SLC5A2: variants seen among roughly 807,000 people sequenced by gnomAD.
SLC5A2 encodes the protein solute carrier family 5 member 2.
In SLC5A2, 67 loss-of-function variants were observed where a neutral mutation model predicts 69.0. The observed-to-expected ratio is 0.97, with a 90% confidence interval of 0.80 to 1.19. The LOEUF is 1.19. SLC5A2 is among the 50% of genes most tolerant of loss of function. SLC5A2 has a pLI of 0.00. For synonymous variants in SLC5A2, 455 were observed against 395.8 expected (o/e 1.15, Z -1.78); for missense variants, 1,001 against 921.5 (o/e 1.09, Z -1.12).
In SLC5A2 at chr16:31,488,598, C is replaced by T. The variant is rs779612971; in HGVS notation, c.1130-24C>T. The stretch of plus-strand genomic sequence containing the variant: ...GCCCTGGACCCCCAGTGGCCCCAGC[C>T]TCACGGCTGCCGTCGGCCCGCAGGT... On this transcript the variant is annotated intron_variant, in intron 9 of 13. Coordinates refer to ENST00000330498, the MANE Select transcript of SLC5A2 (RefSeq NM_003041.4). 5.6e-6 allele frequency: 9 copies of T among 1,609,500 alleles called. No homozygotes were observed. The South Asian group carries it at 6.6e-5, about 12-fold the overall frequency.
chr16:31,490,575 G>C lies in SLC5A2; in HGVS notation c.*40G>C, dbSNP rs535589155. ...GACACCATAAGCCACAGCCTCACAG[G>C]AAGTGGGGGTGAGGAGCCTGCGGTG... is the stretch of plus-strand genomic sequence containing the variant. On this transcript the variant is annotated 3_prime_UTR_variant, in exon 14 of 14. Transcript: ENST00000330498. 9.8e-6 allele frequency: 15 copies of C among 1,529,616 alleles called. No homozygotes were observed. Among genetic ancestry groups the C allele is most frequent in the Non-Finnish European group, 1.3e-5 (15 of 1,114,838 alleles). 94.8% of individuals were successfully genotyped at this position (1,529,616 alleles called of 1,614,324 possible). A position where few individuals can be genotyped will look rare whatever the true frequency, so the allele number is the denominator to read the frequency against.
intron 3 of SLC5A2, chr16:31,485,268 G>A (rs2082486418): frequency 1.3e-5 from 6 of 478,058 alleles, no homozygotes; most frequent in Middle Eastern, 6.0e-4. Flanking sequence ...AGGAATTTGG[G>A]GCCAAGTTAA....
chr16:31,488,647 C>A lies in SLC5A2; in HGVS notation c.1155C>A (p.Val385=). The change falls in exon 10 of 14, where the codon GTC becomes GTA. Residue 385 remains valine, a synonymous_variant. Coordinates refer to ENST00000330498, the MANE Select transcript of SLC5A2 (RefSeq NM_003041.4). Reference sequence around the variant, plus strand: ...GTCTGCGCGGACTCATGCTGGCGGTCATGCTGGCCGCGCTCATGTCCTCGC... The same window carrying A: ...GTCTGCGCGGACTCATGCTGGCGGTAATGCTGGCCGCGCTCATGTCCTCGC... The part of the protein sequence containing the change: ...PNGLRGLMLA[V]MLAALMSSLA... The A allele has an allele frequency of 6.2e-7, 1 of 1,611,902 alleles. No homozygotes were observed. The highest frequency in any genetic ancestry group is 8.5e-7 in the Non-Finnish European group (1 of 1,179,402).
At position 31,490,665 on chromosome 16, in the gene SLC5A2, C is replaced by A; in HGVS notation, c.*130C>A. On this transcript the variant is annotated 3_prime_UTR_variant, in exon 14 of 14. Coordinates refer to ENST00000330498, the MANE Select transcript of SLC5A2 (RefSeq NM_003041.4). ...CCTGGCTCCCCTTCTCCCGGCCTTCCTCTGCCTGGGGCCCACTGCATCTGA... is the reference window on the plus strand; with the variant it reads ...CCTGGCTCCCCTTCTCCCGGCCTTCATCTGCCTGGGGCCCACTGCATCTGA... 2 of 1,103,636 alleles carry A rather than the reference C, an allele frequency of 1.8e-6. No homozygotes were observed. Among genetic ancestry groups the A allele is most frequent in the South Asian group, 1.3e-5 (1 of 76,114 alleles). The allele number at this position is 1,103,636 out of a possible 1,614,324, so 68.4% of individuals were successfully genotyped here.
chr16:31,487,163 T>C (rs571119088), intron 5 of SLC5A2, among the ~76,000 whole-genome samples, 157 bp from the exon 6 acceptor site: 1 of 152,354 alleles, frequency 6.6e-6, no homozygotes, highest in East Asian at 1.9e-4. Flanking sequence ...CCCTGCTTGT[T>C]GGTGCCTGCG....
chr16:31,485,834 C>G lies in SLC5A2; in HGVS notation c.409C>G (p.Arg137Gly). 1 of 1,613,444 alleles carries G rather than the reference C, an allele frequency of 6.2e-7. No individual in the cohort carries two copies. The highest frequency in any genetic ancestry group is 8.5e-7 in the Non-Finnish European group (1 of 1,180,014). ...QYLRKRFGGRRIRLYLSVLSL... is the reference protein window; with the variant it reads ...QYLRKRFGGRGIRLYLSVLSL... ...CCTGCGCAAGCGCTTCGGCGGCCGC[C>G]GCATCCGCCTCTACCTGTCTGTGCT... Residue 137 changes from arginine (R) to glycine (G), a missense_variant, in exon 4 of 14, where the codon CGC (arginine) becomes GGC (glycine). Coordinates refer to ENST00000330498, the MANE Select transcript of SLC5A2 (RefSeq NM_003041.4).
chr16:31,489,138 C>G lies in SLC5A2; in HGVS notation c.1465C>G (p.Leu489Val), dbSNP rs1480537552. Residue 489 changes from leucine to valine, a missense_variant, in exon 12 of 14, where the codon CTC becomes GTC. By Grantham distance (32) the Leu-to-Val change is conservative. Transcript: ENST00000330498. ...TCCTTCGCAGGGCGCCTTCTGGGGACTCATCGGGGGCCTGCTGATGGGCCT... is the reference window on the plus strand; with the variant it reads ...TCCTTCGCAGGGCGCCTTCTGGGGAGTCATCGGGGGCCTGCTGATGGGCCT... ...RVNEQGAFWG[L>V]IGGLLMGLAR... The G allele has an allele frequency of 6.2e-7, 1 of 1,609,016 alleles. No individual in the cohort carries two copies. The highest frequency in any genetic ancestry group is 8.5e-7 in the Non-Finnish European group (1 of 1,179,986).
chr16:31,490,751 A>G lies in SLC5A2; in HGVS notation c.*216A>G. The stretch of plus-strand genomic sequence containing the variant: ...GCTGCAGTTGCCCTAAGGAAAAATA[A>G]AGCTGCCTTTCCCCTGTCCTGCTGT... On this transcript the variant is annotated 3_prime_UTR_variant, in exon 14 of 14. Transcript: ENST00000330498. 6 of 1,487,546 alleles carry G rather than the reference A, an allele frequency of 4.0e-6. No homozygotes were observed. The highest frequency in any genetic ancestry group is 5.6e-6 in the Non-Finnish European group (6 of 1,069,426). 92.1% of individuals were successfully genotyped at this position (1,487,546 alleles called of 1,614,324 possible).
rs761362424 is a variant in SLC5A2 at position 31,484,658 on chromosome 16, G to A, written c.127-15G>A. 1.9e-5 allele frequency: 30 copies of A among 1,605,016 alleles called. No homozygotes were observed. Among genetic ancestry groups the A allele is most frequent in the Admixed American group, 1.7e-4 (10 of 59,986 alleles). On this transcript the variant is annotated splice_polypyrimidine_tract_variant and intron_variant, in intron 1 of 13. Transcript: ENST00000330498. Reference sequence around the variant, plus strand: ...TGTGCCCTAAACCCAGGTCTCCCCCGCCTCTGTCTCCCAGTCCATGTGCAG... The same window carrying A: ...TGTGCCCTAAACCCAGGTCTCCCCCACCTCTGTCTCCCAGTCCATGTGCAG...
chr16:31,486,349 G>T (rs1410881247), intron 5 of SLC5A2, 74 bp downstream of exon 5: 3 of 1,186,722 alleles, frequency 2.5e-6, no homozygotes, highest in East Asian at 4.7e-5. Context: ...TTAGGGAGCT[G>T]CCAGAGGAAA....
chr16:31,484,374 T>C (rs2082478585), intron 1 of SLC5A2, among the ~76,000 whole-genome samples: 1 of 139,810 alleles, frequency 7.2e-6, no homozygotes, highest in African/African-American at 2.7e-5. Flanking sequence ...TGAGCCAAAA[T>C]CACACCACTG....
intron 5 of SLC5A2, 56 bp from the exon 6 acceptor site, chr16:31,487,264 A>G: frequency 6.4e-7 from 1 of 1,553,752 alleles, no homozygotes; most frequent in Non-Finnish European, 8.9e-7. Context: ...CCTTATTGCT[A>G]AGGCCAGCCT....
At chr16:31,487,228 A>T (rs978654094) in intron 5 of SLC5A2, 92 bp from the exon 6 acceptor site, 1 of 1,180,048 alleles carries the variant, frequency 8.5e-7, no homozygotes, top group Non-Finnish European at 1.3e-6. Context: ...CAGGAAGGGG[A>T]ACTCTTTCAA....
chr16:31,487,504 G>C (rs2142624276), intron 6 of SLC5A2, 26 bp from the exon 7 acceptor site: 1 of 1,612,722 alleles, frequency 6.2e-7, no homozygotes, highest in East Asian at 2.2e-5. Flanking sequence ...TCCTAAGGAG[G>C]GTCCCCTGAC....
chr16:31,485,971 G>A (rs943231473), intron 4 of SLC5A2, 78 bp downstream of exon 4: 23 of 1,523,376 alleles, frequency 1.5e-5, no homozygotes, highest in East Asian at 4.5e-5. Flanking sequence ...CCTAGAGGGC[G>A]TGAGACCTAG....
chr16:31,488,359 G>C (rs1596619913), intron 8 of SLC5A2, 24 bp from the exon 9 acceptor site: 5 of 1,609,574 alleles, frequency 3.1e-6, no homozygotes, highest in Non-Finnish European at 4.2e-6. Flanking sequence ...CCGTCCTAAC[G>C]GCGCGGTGGC....
intron 6 of SLC5A2, 59 bp from the exon 7 acceptor site, chr16:31,487,471 G>C: frequency 6.2e-7 from 1 of 1,609,862 alleles, no homozygotes; most frequent in South Asian, 1.1e-5. Context: ...GCGCGGGGCC[G>C]TTGCGCGTCT....
chr16:31,484,661 T>A lies in SLC5A2; in HGVS notation c.127-12T>A. On this transcript the variant is annotated splice_polypyrimidine_tract_variant and intron_variant, in intron 1 of 13. Coordinates refer to ENST00000330498, the MANE Select transcript of SLC5A2 (RefSeq NM_003041.4). Reference sequence around the variant, plus strand: ...GCCCTAAACCCAGGTCTCCCCCGCCTCTGTCTCCCAGTCCATGTGCAGAAC... The same window carrying A: ...GCCCTAAACCCAGGTCTCCCCCGCCACTGTCTCCCAGTCCATGTGCAGAAC... 5 of 1,605,870 alleles carry A rather than the reference T, an allele frequency of 3.1e-6. No homozygotes were observed. Among genetic ancestry groups the A allele is most frequent in the Non-Finnish European group, 4.2e-6 (5 of 1,179,938 alleles).
chr16:31,486,189 C>T lies in SLC5A2; in HGVS notation c.488C>T (p.Ala163Val). The T allele has an allele frequency of 6.2e-7, 1 of 1,613,752 alleles. No individual in the cohort carries two copies. The highest frequency in any genetic ancestry group is 8.5e-7 in the Non-Finnish European group (1 of 1,179,688). ...TKISVDMFSG[A>V]VFIQQALGWN... ...CCCAAGGTGGACATGTTCTCCGGAG[C>T]TGTATTCATCCAGCAGGCTCTGGGC... Residue 163 changes from alanine to valine, a missense_variant, in exon 5 of 14, where the codon GCT (alanine) becomes GTT (valine). By Grantham distance (64) the Ala-to-Val change is moderately conservative. Transcript: ENST00000330498.
Sources: gnomAD v4.1 joint callset for allele counts (sites outside exome capture counted in the v4.1 genomes callset) on GRCh38, gnomAD v4.1.1 for gene constraint, MANE v1.5 for transcripts, NCBI Gene and HGNC (gene_info 2026-07-23, HGNC 2026-07-21) for gene names.